Variants in KLKB1 observed in about 807,000 individuals in gnomAD.
The protein encoded by KLKB1 is plasma kallikrein.
A neutral mutation model predicts 73.6 loss-of-function variants in KLKB1; 58 were observed. The ratio of observed to expected loss-of-function variants is 0.79; its 90% CI spans 0.64 to 0.98. The LOEUF is 0.98. Among genes scored for constraint, KLKB1 ranks in the 50% least tolerant of loss-of-function variants. The pLI is 0.00. For missense variants in KLKB1, 737 were observed against 763.8 expected, an observed-to-expected ratio of 0.96 and a Z score of 0.41; for synonymous variants, 280 against 258.1, an observed-to-expected ratio of 1.08 and a Z score of -0.81.
At position 186,236,877 on chromosome 4, in the gene KLKB1, C is replaced by G. The variant is rs148183376; in HGVS notation, c.425C>G (p.Thr142Ser). Residue 142 changes from threonine (T) to serine (S), a missense_variant, in exon 5 of 15, where the codon ACC (threonine) becomes AGC (serine). By Grantham distance (58) the Thr-to-Ser change is moderately conservative. Coordinates refer to ENST00000264690, the MANE Select transcript of KLKB1 (RefSeq NM_000892.5). ...GTTGAAGAATGCCAAAAAAGGTGCA[C>G]CAGTAACATTCGCTGCCAGTTTTTT... is the stretch of plus-strand genomic sequence containing the variant. Reference protein sequence around the residue: ...SSVEECQKRCTSNIRCQFFSY... With the variant: ...SSVEECQKRCSSNIRCQFFSY... The G allele has an allele frequency of 2.5e-6, 4 of 1,613,762 alleles. No individual in the cohort carries two copies. Among genetic ancestry groups the G allele is most frequent in the Non-Finnish European group, 2.5e-6 (3 of 1,179,948 alleles).
intron 11 of KLKB1, among the ~76,000 whole-genome samples, chr4:186,253,845 T>C (rs998354313): frequency 1.3e-5 from 2 of 152,004 alleles, no homozygotes; most frequent in East Asian, 3.8e-4. Context: ...TTTATTTAAT[T>C]TATTTTTTGA....
chr4:186,230,010 A>G (rs1737320555), intron 2 of KLKB1, among the ~76,000 whole-genome samples: 1 of 152,074 alleles, frequency 6.6e-6, no homozygotes, highest in African/African-American at 2.4e-5. Flanking sequence ...CTATTTTGCT[A>G]CTACGTGGAG....
Position 186,245,802 on chromosome 4 carries a change from G to GT in KLKB1, c.599-4432dup, listed in dbSNP as rs755207618. ...TGAGGGCTGGAATCTAATTTTTGGA[G>GT]TTTTTTTTTGTTTGTTTTTTGGTTT... On this transcript the variant is annotated intron_variant, in intron 6 of 14. Coordinates refer to ENST00000264690, the MANE Select transcript of KLKB1 (RefSeq NM_000892.5). Among the ~76,000 whole-genome samples the GT allele has an allele frequency of 3.8e-4, 21 of 54,926 alleles. 1 individual carries two copies. The highest frequency in any genetic ancestry group is 3.1e-3 in the East Asian group (3 of 966). 36.0% of individuals were successfully genotyped at this position (54,926 alleles called of 152,430 possible). A position where few individuals can be genotyped will look rare whatever the true frequency, so the allele number is the denominator to read the frequency against.
In KLKB1 at chr4:186,249,840, A is replaced by T. The variant is rs4253372; in HGVS notation, c.599-403A>T. Among the ~76,000 whole-genome samples, 271 of 152,372 alleles carry T rather than the reference A, an allele frequency of 1.8e-3. 1 individual carries two copies. The highest frequency in any genetic ancestry group is 6.3e-3 in the African/African-American group (263 of 41,590). On this transcript the variant is annotated intron_variant, in intron 6 of 14. Transcript: ENST00000264690. ...CTCCTGTTCTAATTTTAATAGGCAC[A>T]AGGCATTTTTGTTAATCACTTCTTA...
rs376007229 is a variant in KLKB1 at position 186,250,422 on chromosome 4, C to A, written c.758+20C>A. ...ACAAAGGCGAGTATGCATGGAAAAT[C>A]GCATCACAAAGGCGAGTATGCATGG... On this transcript the variant is annotated intron_variant, in intron 7 of 14. Transcript: ENST00000264690. 51 of 1,612,644 alleles carry A rather than the reference C, an allele frequency of 3.2e-5. No individual in the cohort carries two copies. The highest frequency in any genetic ancestry group is 4.2e-5 in the Non-Finnish European group (49 of 1,178,862).
rs142462112 is a variant in KLKB1, at chr4:186,232,278, C to T, written c.210C>T (p.Asp70=). 5.6e-6 allele frequency: 9 copies of T among 1,613,910 alleles called. No homozygotes were observed. The South Asian group carries it at 9.9e-5, about 18-fold the overall frequency. The part of the protein sequence containing the change: ...FSFLPASSIN[D]MEKRFGCFLK... ...TTCTTCCAGCAAGTTCAATCAATGA[C>T]ATGGAGAAAAGGTAAAAGTTGGTAT... is the stretch of plus-strand genomic sequence containing the variant. The change falls in exon 3 of 15, where the codon GAC becomes GAT. Residue 70 remains aspartate (D), a synonymous_variant. Coordinates refer to ENST00000264690, the MANE Select transcript of KLKB1 (RefSeq NM_000892.5).
chr4:186,241,113 CT>C (rs1030391837), intron 6 of KLKB1, among the ~76,000 whole-genome samples: 6 of 152,234 alleles, frequency 3.9e-5, no homozygotes, highest in African/African-American at 1.4e-4. Context: ...AAGGGCGTGG[CT>C]TTTCACTGAG....
intron 2 of KLKB1, among the ~76,000 whole-genome samples, chr4:186,230,074 C>G (rs1422004007): frequency 6.6e-6 from 1 of 152,124 alleles, no homozygotes; most frequent in Non-Finnish European, 1.5e-5. Context: ...GACATATTGT[C>G]CACTGATGCT....
chr4:186,215,917 C>G (rs973434877), intron 2 of KLKB1, among the ~76,000 whole-genome samples: 1 of 152,170 alleles, frequency 6.6e-6, no homozygotes, highest in African/African-American at 2.4e-5. Context: ...ATCAATAATG[C>G]TTGATGTTGT....
At chr4:186,228,045 C>T in intron 1 of KLKB1, 150 bp from the exon 2 acceptor site, 2 of 603,890 alleles carry the variant, frequency 3.3e-6, no homozygotes, top group Non-Finnish European at 5.9e-6. Context: ...CACAAATGTA[C>T]CAAAAAAAAA....
At chr4:186,223,625 A>G (rs1737078482), upstream of KLKB1, among the ~76,000 whole-genome samples, 1 of 152,234 alleles carries the variant, frequency 6.6e-6, no homozygotes, top group Non-Finnish European at 1.5e-5. Flanking sequence ...AAAAGCATTC[A>G]AATATAACCT....
intron 6 of KLKB1, among the ~76,000 whole-genome samples, chr4:186,243,825 A>C (rs1738184153): frequency 6.6e-6 from 1 of 152,234 alleles, no homozygotes; most frequent in East Asian, 1.9e-4. Flanking sequence ...CAGTAGCCTC[A>C]GTGATAGATG....
chr4:186,248,216 C>T (rs1046378905), intron 6 of KLKB1, among the ~76,000 whole-genome samples: 1 of 151,862 alleles, frequency 6.6e-6, no homozygotes, highest in Admixed American at 6.6e-5. Flanking sequence ...CCACTGCACT[C>T]CAGCCTGGGC....
At chr4:186,237,319 G>A (rs4253347) in intron 5 of KLKB1, among the ~76,000 whole-genome samples, 1,583 of 152,130 alleles carry the variant, frequency 0.01, 30 homozygotes, top group African/African-American at 0.036. Flanking sequence ...GGCTGGTCTC[G>A]AACTCCTGAT....
Position 186,241,726 on chromosome 4 carries a change from A to C in KLKB1, c.598+3361A>C, listed in dbSNP as rs1232064746. 3.3e-5 allele frequency among the ~76,000 whole-genome samples: 5 copies of C among 152,208 alleles called. No homozygotes were observed. In the East Asian group the frequency reaches 9.6e-4, roughly 29 times the overall value. ...TATTTTTATCACCTCTGGGGAAGAA[A>C]GTCTGATAAACGAAGCTGGTTGATA... On this transcript the variant is annotated intron_variant, in intron 6 of 14. Transcript: ENST00000264690.
chr4:186,240,535 A>C (rs1298755364), intron 6 of KLKB1, among the ~76,000 whole-genome samples: 1 of 152,218 alleles, frequency 6.6e-6, no homozygotes, highest in Non-Finnish European at 1.5e-5. Flanking sequence ...AATTGCCATG[A>C]CATTCCACCT....
At chr4:186,222,123 A>C (rs1292308569), upstream of KLKB1, among the ~76,000 whole-genome samples, 2 of 152,124 alleles carry the variant, frequency 1.3e-5, no homozygotes, top group East Asian at 3.8e-4. Context: ...TCTCTTTTTC[A>C]TCCCTTCACT....
chr4:186,223,797 AGCC>A (rs1737082598), upstream of KLKB1, among the ~76,000 whole-genome samples: 1 of 152,232 alleles, frequency 6.6e-6, no homozygotes, highest in Admixed American at 6.5e-5. Flanking sequence ...GAGGAATTCA[AGCC>A]GGCTGCAGAA....
chr4:186,234,089 G>C (rs1307229629), intron 4 of KLKB1, 31 bp downstream of exon 4: 3 of 1,489,230 alleles, frequency 2.0e-6, no homozygotes, highest in African/African-American at 1.4e-5. Flanking sequence ...CTACATTTGA[G>C]TTAATATTGG....
Sources: allele counts gnomAD v4.1 joint callset (sites outside exome capture counted in the v4.1 genomes callset), GRCh38; gene constraint gnomAD v4.1.1; transcripts MANE v1.5; gene names NCBI Gene and HGNC (gene_info 2026-07-23, HGNC 2026-07-21).